MFSD6: variants seen among roughly 807,000 people sequenced by gnomAD.
MFSD6 encodes the protein major facilitator superfamily domain containing 6.
In MFSD6, 26 loss-of-function variants were observed where a neutral mutation model predicts 56.3. The observed-to-expected ratio is 0.46, with a 90% CI of 0.34 to 0.64. The LOEUF (loss-of-function observed/expected upper bound fraction) is 0.64. MFSD6 is among the 30% of genes least tolerant of loss of function. The pLI is 0.01. For missense variants in MFSD6, 750 were observed against 986.2 expected (o/e 0.76, Z 3.21); for synonymous variants, 331 against 366.9 (o/e 0.90, Z 1.12).
chr2:190,480,192 TTCC>T (rs1688581009), intron 4 of MFSD6, among the ~76,000 whole-genome samples: 1 of 152,200 alleles, frequency 6.6e-6, no homozygotes, highest in African/African-American at 2.4e-5. Flanking sequence ...AAAGCACATT[TTCC>T]TCCTCTTATG....
rs913751558 is a variant in MFSD6 at position 190,436,615 on chromosome 2, C to T, written c.586C>T (p.Arg196Cys). Residue 196 changes from arginine to cysteine, a missense_variant, in exon 3 of 8, where the codon CGT becomes TGT. By Grantham distance (180) the Arg-to-Cys change is radical. Transcript: ENST00000392328. This position sits in a 1 kb window ranked among gnomAD's most constrained non-coding sequence, Gnocchi z 5.3. ...TTTCCTCACCATATCACCAAAAATG[C>T]GTGAGAAAAGAAACCTTTTGGAAAC... is the stretch of plus-strand genomic sequence containing the variant. ...TSFLTISPKMREKRNLLETRL... is the reference protein window; with the variant it reads ...TSFLTISPKMCEKRNLLETRL... 8.1e-6 allele frequency: 13 copies of T among 1,614,040 alleles called. No homozygotes were observed. The highest frequency in any genetic ancestry group is 1.6e-4 in the Middle Eastern group (1 of 6,084).
chr2:190,470,322 G>A (rs1375242690), intron 4 of MFSD6, among the ~76,000 whole-genome samples: 1 of 152,122 alleles, frequency 6.6e-6, no homozygotes, highest in Non-Finnish European at 1.5e-5. Flanking sequence ...CCACACCGTT[G>A]TTTTTCCATG....
rs191180209 is a variant in MFSD6 at position 190,415,565 on chromosome 2, C to G, written c.-54+152C>G. Reference sequence around the variant, plus strand: ...GATTACGGATGTGAGCCACTGTGCTCAGCCACTTTTTTATTTTATGGGCTA... The same window carrying G: ...GATTACGGATGTGAGCCACTGTGCTGAGCCACTTTTTTATTTTATGGGCTA... On this transcript the variant is annotated intron_variant, in intron 2 of 7. Coordinates refer to ENST00000392328, the MANE Select transcript of MFSD6 (RefSeq NM_017694.4). The surrounding 1 kb of genome is among the most constrained non-coding windows in gnomAD (Gnocchi z 4.5). 9.1e-4 allele frequency among the ~76,000 whole-genome samples: 139 copies of G among 152,284 alleles called. No individual in the cohort carries two copies. The highest frequency in any genetic ancestry group is 3.3e-3 in the African/African-American group (136 of 41,564).
intron 1 of MFSD6, chr2:190,411,675 G>C: frequency 2.0e-6 from 2 of 984,896 alleles, no homozygotes; most frequent in Non-Finnish European, 2.4e-6. Flanking sequence ...AAACTCTAAT[G>C]TTAGGGAAGT....
intron 3 of MFSD6, among the ~76,000 whole-genome samples, chr2:190,449,758 G>C (rs1233006290): frequency 1.3e-5 from 2 of 151,900 alleles, no homozygotes; most frequent in South Asian, 2.1e-4. Flanking sequence ...GTAAACTATC[G>C]CAAGAACAAA....
rs796975460 is a variant in MFSD6, at chr2:190,449,473, CA to C, written c.1532+11924del. ...TAGGTGACAGAGCAAGACTTCGTCTCAAAAAAAAAAAATTAATATCAAACTG... is the reference window on the plus strand; with the variant it reads ...TAGGTGACAGAGCAAGACTTCGTCTCAAAAAAAAAAATTAATATCAAACTG... On this transcript the variant is annotated intron_variant, in intron 3 of 7. Coordinates refer to ENST00000392328, the MANE Select transcript of MFSD6 (RefSeq NM_017694.4). Among the ~76,000 whole-genome samples the C allele has an allele frequency of 4.7e-3, 662 of 141,464 alleles. 5 individuals are homozygous for C. The highest frequency in any genetic ancestry group is 0.016 in the African/African-American group (615 of 38,662). 92.8% of individuals were successfully genotyped at this position (141,464 alleles called of 152,430 possible).
At position 190,490,517 on chromosome 2, in the gene MFSD6, A is replaced by T. The variant is rs1362662222; in HGVS notation, c.1891+651A>T. ...GGTGGAGCTTGCAGTGAGCCGAGAT[A>T]GCACCACTGCAGTCCAGCCTGGGGG... On this transcript the variant is annotated intron_variant, in intron 6 of 7. Coordinates refer to ENST00000392328, the MANE Select transcript of MFSD6 (RefSeq NM_017694.4). The surrounding 1 kb of genome is among the most constrained non-coding windows in gnomAD (Gnocchi z 4.5). Among the ~76,000 whole-genome samples, 1 of 152,006 alleles carries T rather than the reference A, an allele frequency of 6.6e-6. No homozygotes were observed. Among genetic ancestry groups the T allele is most frequent in the Non-Finnish European group, 1.5e-5 (1 of 67,976 alleles).
At chr2:190,481,573 T>C (rs1415855969) in intron 4 of MFSD6, among the ~76,000 whole-genome samples, 1 of 152,228 alleles carries the variant, frequency 6.6e-6, no homozygotes, top group African/African-American at 2.4e-5. Flanking sequence ...CTGCGTCCCC[T>C]TTAGATAAAT....
rs1685714066 is a variant in MFSD6 at position 190,424,081 on chromosome 2, A to G, written c.-54+8668A>G. 6.6e-6 allele frequency among the ~76,000 whole-genome samples: 1 copy of G among 152,204 alleles called. No individual in the cohort carries two copies. Among genetic ancestry groups the G allele is most frequent in the African/African-American group, 2.4e-5 (1 of 41,434 alleles). On this transcript the variant is annotated intron_variant, in intron 2 of 7. Transcript: ENST00000392328. The surrounding 1 kb of genome is among the most constrained non-coding windows in gnomAD (Gnocchi z 5.9). ...TTCCAAGTATTTTCTCACAGTCTGTAGCTTGTGTTTTCATCCTCTTTGCAG... is the reference window on the plus strand; with the variant it reads ...TTCCAAGTATTTTCTCACAGTCTGTGGCTTGTGTTTTCATCCTCTTTGCAG...
At position 190,450,206 on chromosome 2, in the gene MFSD6, A is replaced by T. The variant is rs116181172; in HGVS notation, c.1532+12645A>T. Among the ~76,000 whole-genome samples the T allele has an allele frequency of 1.8e-3, 281 of 152,242 alleles. 4 individuals are homozygous for T. The highest frequency in any genetic ancestry group is 6.6e-3 in the African/African-American group (274 of 41,546). ...ATTGTACAAGTCAAAAGTCTTAACTAATTGGGCTAATTATATTTCTACATA... is the reference window on the plus strand; with the variant it reads ...ATTGTACAAGTCAAAAGTCTTAACTTATTGGGCTAATTATATTTCTACATA... On this transcript the variant is annotated intron_variant, in intron 3 of 7. Transcript: ENST00000392328.
intron 3 of MFSD6, among the ~76,000 whole-genome samples, chr2:190,460,183 C>T (rs1284476178): frequency 6.6e-6 from 1 of 152,166 alleles, no homozygotes; most frequent in African/African-American, 2.4e-5. Flanking sequence ...TCCAAATAAA[C>T]AAACTGTAAT....
rs191352229 is a variant in MFSD6, at chr2:190,418,474, G to T, written c.-54+3061G>T. Among the ~76,000 whole-genome samples, 13 of 152,242 alleles carry T rather than the reference G, an allele frequency of 8.5e-5. No individual in the cohort carries two copies. The highest frequency in any genetic ancestry group is 4.6e-4 in the Admixed American group (7 of 15,298). ...AAAGGCCCACCAAGAATGACAAGGT[G>T]GTTGGGCACAGTGGCCCACACCTGT... is the stretch of plus-strand genomic sequence containing the variant. On this transcript the variant is annotated intron_variant, in intron 2 of 7. Transcript: ENST00000392328. This position sits in a 1 kb window ranked among gnomAD's most constrained non-coding sequence, Gnocchi z 4.1.
Position 190,423,642 on chromosome 2 carries a change from G to A in MFSD6, c.-54+8229G>A, listed in dbSNP as rs1409204970. Among the ~76,000 whole-genome samples, 1 of 152,026 alleles carries A rather than the reference G, an allele frequency of 6.6e-6. No homozygotes were observed. The highest frequency in any genetic ancestry group is 1.5e-5 in the Non-Finnish European group (1 of 67,994). ...TGTGAAAATAAGTTTTCATTTATCT[G>A]GAATAAATTCCCAGAAGTGTAATTA... On this transcript the variant is annotated intron_variant, in intron 2 of 7. Transcript: ENST00000392328. This position sits in a 1 kb window ranked among gnomAD's most constrained non-coding sequence, Gnocchi z 4.3.
Position 190,412,930 on chromosome 2 carries a change from C to T in MFSD6, c.-175-2362C>T, listed in dbSNP as rs897825360. ...GGAATCTACCAGTCATTTGTTCAGA[C>T]AAGTGATGTTTGGTGCAGGGGCCAA... On this transcript the variant is annotated intron_variant, in intron 1 of 7. Coordinates refer to ENST00000392328, the MANE Select transcript of MFSD6 (RefSeq NM_017694.4). This position sits in a 1 kb window ranked among gnomAD's most constrained non-coding sequence, Gnocchi z 4.1. Among the ~76,000 whole-genome samples the T allele has an allele frequency of 6.6e-6, 1 of 152,156 alleles. No individual in the cohort carries two copies. The highest frequency in any genetic ancestry group is 1.5e-5 in the Non-Finnish European group (1 of 68,030).
intron 4 of MFSD6, among the ~76,000 whole-genome samples, chr2:190,481,859 C>T (rs1312752524): frequency 6.6e-6 from 1 of 152,222 alleles, no homozygotes; most frequent in African/African-American, 2.4e-5. Flanking sequence ...GTCCATTGCT[C>T]TTTGTAGGAT....
rs1236076065 is a variant in MFSD6 at position 190,424,342 on chromosome 2, T to A, written c.-54+8929T>A. On this transcript the variant is annotated intron_variant, in intron 2 of 7. Transcript: ENST00000392328. The surrounding 1 kb of genome is among the most constrained non-coding windows in gnomAD (Gnocchi z 5.9). ...AAGACTTAGTTTGAGGTTATTTATT[T>A]ATTTTTTTTTCAGACAGAGTTTCAC... Among the ~76,000 whole-genome samples, 2 of 152,116 alleles carry A rather than the reference T, an allele frequency of 1.3e-5. No individual in the cohort carries two copies. Among genetic ancestry groups the A allele is most frequent in the Non-Finnish European group, 2.9e-5 (2 of 68,022 alleles).
In MFSD6 at chr2:190,495,121, C is replaced by T. The variant is rs912119820; in HGVS notation, c.1892-2318C>T. ...AAACCCTAAAGACTCCTCCTAAAAG[C>T]TCTTAGAACTGATAAATGAATTCAG... On this transcript the variant is annotated intron_variant, in intron 6 of 7. Coordinates refer to ENST00000392328, the MANE Select transcript of MFSD6 (RefSeq NM_017694.4). This position sits in a 1 kb window ranked among gnomAD's most constrained non-coding sequence, Gnocchi z 4.7. 1.3e-5 allele frequency among the ~76,000 whole-genome samples: 2 copies of T among 152,154 alleles called. No individual in the cohort carries two copies. The highest frequency in any genetic ancestry group is 1.9e-4 in the East Asian group (1 of 5,196).
intron 4 of MFSD6, among the ~76,000 whole-genome samples, chr2:190,486,517 C>T (rs902420565): frequency 2.0e-5 from 3 of 152,236 alleles, no homozygotes; most frequent in Admixed American, 2.0e-4. Flanking sequence ...AGATTTCAGA[C>T]TCTCATCAGT....
Position 190,425,534 on chromosome 2 carries a change from C to G in MFSD6, c.-54+10121C>G, listed in dbSNP as rs1003534856. Among the ~76,000 whole-genome samples the G allele has an allele frequency of 2.6e-5, 4 of 152,088 alleles. No individual in the cohort carries two copies. Among genetic ancestry groups the G allele is most frequent in the African/African-American group, 9.7e-5 (4 of 41,408 alleles). On this transcript the variant is annotated intron_variant, in intron 2 of 7. Coordinates refer to ENST00000392328, the MANE Select transcript of MFSD6 (RefSeq NM_017694.4). This position sits in a 1 kb window ranked among gnomAD's most constrained non-coding sequence, Gnocchi z 4.3. The stretch of plus-strand genomic sequence containing the variant: ...GTTCTTAGTTTTCTGAGACTTTTAC[C>G]TCAGAACCTATTTTCTGAGACTTTT...
Sources: gnomAD v4.1 joint callset for allele counts (sites outside exome capture counted in the v4.1 genomes callset) on GRCh38, gnomAD v4.1.1 for gene constraint, Gnocchi (gnomAD v3.1) non-coding constraint, MANE v1.5 for transcripts, NCBI Gene and HGNC (gene_info 2026-07-23, HGNC 2026-07-21) for gene names.